The following MEGF6 variants were observed in gnomAD, a reference collection of about 807,000 sequenced individuals.
MEGF6 encodes multiple epidermal growth factor-like domains protein 6.
A neutral mutation model predicts 207.1 loss-of-function variants in MEGF6; 184 were observed. The observed-to-expected ratio is 0.89, with a 90% CI of 0.79 to 1.00. The LOEUF is 1.00. Among genes scored for constraint, MEGF6 ranks in the 50% least tolerant of loss-of-function variants. The probability of loss-of-function intolerance (pLI) is 0.00; values close to 1 mark genes in which losing one functional copy is unlikely to be tolerated. For missense variants in MEGF6, 2,282 were observed against 2,202.9 expected, an observed-to-expected ratio of 1.04 and a Z score of -0.72; for synonymous variants, 1,038 against 910.0, an observed-to-expected ratio of 1.14 and a Z score of -2.53.
intron 3 of MEGF6, among the ~76,000 whole-genome samples, chr1:3,586,586 G>A (rs1364577563): frequency 6.6e-6 from 1 of 152,186 alleles, no homozygotes; most frequent in Non-Finnish European, 1.5e-5. Context: ...AGCCCGTGCT[G>A]TGTCTGCATG....
chr1:3,559,869 G>C (rs148543235), intron 4 of MEGF6, among the ~76,000 whole-genome samples: 40 of 152,132 alleles, frequency 2.6e-4, no homozygotes, highest in African/African-American at 9.2e-4. Flanking sequence ...AAATTAGCTG[G>C]GCATGGTGGC....
chr1:3,537,210 G>T (rs903317277), intron 4 of MEGF6, among the ~76,000 whole-genome samples: 1 of 152,254 alleles, frequency 6.6e-6, no homozygotes, highest in Non-Finnish European at 1.5e-5. Flanking sequence ...CCAGTGCCCA[G>T]CCCAGTCTAC....
At position 3,512,668 on chromosome 1, in the gene MEGF6, G is replaced by A. The variant is rs1011687951; in HGVS notation, c.854-540C>T. 4.6e-5 allele frequency among the ~76,000 whole-genome samples: 7 copies of A among 152,178 alleles called. 1 individual carries two copies. Among genetic ancestry groups the A allele is most frequent in the Non-Finnish European group, 7.3e-5 (5 of 68,040 alleles). The stretch of plus-strand genomic sequence containing the variant: ...AGCCCTCTCTTTTCCTACCGCTATC[G>A]ACGTGAGGTGTGACTTGCTCCTCCT... On this transcript the variant is annotated intron_variant, in intron 7 of 36. Transcript: ENST00000356575.
the MEGF6 span, among the ~76,000 whole-genome samples, chr1:3,616,930 A>G: frequency 6.6e-6 from 1 of 151,990 alleles, no homozygotes; most frequent in East Asian, 1.9e-4. Flanking sequence ...CAGAGGGGCA[A>G]CCTCCGGTTC....
intron 4 of MEGF6, among the ~76,000 whole-genome samples, chr1:3,571,713 G>A (rs1356687251): frequency 8.0e-6 from 1 of 125,064 alleles, no homozygotes; most frequent in Non-Finnish European, 1.6e-5. Context: ...GTTCTCCTGG[G>A]TGTGCTGGGT....
chr1:3,579,461 A>G (rs1466462287), intron 4 of MEGF6, among the ~76,000 whole-genome samples: 2 of 152,192 alleles, frequency 1.3e-5, no homozygotes, highest in African/African-American at 4.8e-5. Flanking sequence ...CACTGAGGAC[A>G]ACGACAGTTC....
Position 3,500,602 on chromosome 1 carries a change from G to A in MEGF6, c.2707+31C>T, listed in dbSNP as rs770758684. The stretch of plus-strand genomic sequence containing the variant: ...ATGTGTGCGTGTGCGCACTCAGGAG[G>A]GTGGCAGCCAAAGGCAGGGCCGGGA... On this transcript the variant is annotated intron_variant, in intron 21 of 36. Coordinates refer to ENST00000356575, the MANE Select transcript of MEGF6 (RefSeq NM_001409.4). 100 of 1,537,716 alleles carry A rather than the reference G, an allele frequency of 6.5e-5. 1 individual carries two copies. The East Asian group carries it at 1.7e-3, about 27-fold the overall frequency.
At chr1:3,499,016 C>T (rs944396672) in intron 24 of MEGF6, 122 bp downstream of exon 24, 25 of 1,449,114 alleles carry the variant, frequency 1.7e-5, no homozygotes, top group Non-Finnish European at 1.9e-5. Context: ...AAGGCACGGT[C>T]CTCAGTCCTA....
intron 4 of MEGF6, among the ~76,000 whole-genome samples, chr1:3,533,989 G>A (rs549145054): frequency 6.6e-6 from 1 of 152,260 alleles, no homozygotes; most frequent in South Asian, 2.1e-4. Context: ...ATCCCATGCT[G>A]TCCCCCAAGT....
rs1281971995 is a variant in MEGF6, at chr1:3,490,332, C to T, written c.*196G>A. ...AGGCGCCTCTCTTCCAGCGGCCATG[C>T]GAGGCTTCCCTCCTCAAGGCCACAC... On this transcript the variant is annotated 3_prime_UTR_variant, in exon 37 of 37. Transcript: ENST00000356575. 11 of 614,366 alleles carry T rather than the reference C, an allele frequency of 1.8e-5. No homozygotes were observed. The highest frequency in any genetic ancestry group is 1.2e-4 in the East Asian group (4 of 32,856). 38.1% of individuals were successfully genotyped at this position (614,366 alleles called of 1,614,324 possible).
intron 1 of MEGF6, among the ~76,000 whole-genome samples, chr1:3,606,595 G>T (rs888409251): frequency 1.5e-4 from 23 of 152,336 alleles, no homozygotes; most frequent in African/African-American, 5.3e-4. Context: ...CCCTCAGGAG[G>T]TGTGAGCTAG....
Position 3,582,060 on chromosome 1 carries a change from G to A in MEGF6, c.377-2131C>T, listed in dbSNP as rs568566608. Among the ~76,000 whole-genome samples, 126 of 152,344 alleles carry A rather than the reference G, an allele frequency of 8.3e-4. 1 individual carries two copies. Among genetic ancestry groups the A allele is most frequent in the African/African-American group, 2.8e-3 (115 of 41,586 alleles). Reference sequence around the variant, plus strand: ...GAGGACACCATCTCTCAAGGCAGGCGGAGCTGACTCTGCCGGCGGAGAGGG... The same window carrying A: ...GAGGACACCATCTCTCAAGGCAGGCAGAGCTGACTCTGCCGGCGGAGAGGG... On this transcript the variant is annotated intron_variant, in intron 3 of 36. Coordinates refer to ENST00000356575, the MANE Select transcript of MEGF6 (RefSeq NM_001409.4).
chr1:3,607,684 G>T (rs74504141), intron 1 of MEGF6, among the ~76,000 whole-genome samples: 7,545 of 152,328 alleles, frequency 0.05, 345 homozygotes, highest in South Asian at 0.13. Context: ...ACCTTTGACA[G>T]GACCAGAGTC....
At position 3,497,752 on chromosome 1, in the gene MEGF6, C is replaced by T. The variant is rs150886552; in HGVS notation, c.3353-391G>A. The T allele has an allele frequency of 8.6e-4, 319 of 371,074 alleles. 8 individuals carry two copies. In the East Asian group the frequency reaches 0.026, roughly 30 times the overall value. The allele number at this position is 371,074 out of a possible 1,614,324, so 23.0% of individuals were successfully genotyped here. ...ACGGGAGCCAGCGACAGCCCTGAGG[C>T]CAGCCGAGTGCCCAGGCCCCCCTCA... On this transcript the variant is annotated intron_variant, in intron 26 of 36. Coordinates refer to ENST00000356575, the MANE Select transcript of MEGF6 (RefSeq NM_001409.4).
At chr1:3,501,718 C>A (rs1302156324) in intron 18 of MEGF6, 78 bp downstream of exon 18, 5 of 1,532,880 alleles carry the variant, frequency 3.3e-6, no homozygotes, top group Non-Finnish European at 3.5e-6. Context: ...AGGGCTGGGG[C>A]CCCCACAGTT....
intron 10 of MEGF6, among the ~76,000 whole-genome samples, chr1:3,510,233 G>T (rs553826351): frequency 1.3e-5 from 2 of 152,130 alleles, no homozygotes; most frequent in African/African-American, 4.8e-5. Context: ...GGGAGGGGCC[G>T]GCCAGGCAGC....
Position 3,496,773 on chromosome 1 carries a change from G to A in MEGF6, c.3624C>T (p.Pro1208=), listed in dbSNP as rs375129296. The A allele has an allele frequency of 2.4e-5, 38 of 1,557,180 alleles. No individual in the cohort carries two copies. The highest frequency in any genetic ancestry group is 7.7e-5 in the Admixed American group (4 of 51,954). The stretch of plus-strand genomic sequence containing the variant: ...GTTCACAGCCTGGCCCATACCGCCC[G>A]GGCGGACATCCTGCAGGGAGAGGGG... ...HGPSCQQRCP[P]GRYGPGCEQL... Residue 1208 remains proline, a synonymous_variant, in exon 29 of 37, where the codon CCC becomes CCT. Transcript: ENST00000356575.
intron 11 of MEGF6, among the ~76,000 whole-genome samples, chr1:3,509,557 G>A (rs1641253984): frequency 2.0e-5 from 3 of 152,182 alleles, no homozygotes; most frequent in South Asian, 4.1e-4. Flanking sequence ...CAGTCCCAGG[G>A]ACAACATCAC....
intron 5 of MEGF6, among the ~76,000 whole-genome samples, chr1:3,518,814 G>A (rs966556132): frequency 6.6e-6 from 1 of 152,182 alleles, no homozygotes; most frequent in Non-Finnish European, 1.5e-5. Flanking sequence ...GAAGCCCTCT[G>A]TTGGGGACAG....
Sources: gnomAD v4.1 joint callset for allele counts (sites outside exome capture counted in the v4.1 genomes callset) on GRCh38, gnomAD v4.1.1 for gene constraint, MANE v1.5 for transcripts, NCBI Gene and HGNC (gene_info 2026-07-23, HGNC 2026-07-21) for gene names.